ENOX2: variants seen among roughly 807,000 people sequenced by gnomAD.
ENOX2 encodes ecto-NOX disulfide-thiol exchanger 2.
A neutral mutation model predicts 45.0 loss-of-function variants in ENOX2; 36 were observed. The observed-to-expected ratio is 0.80, with a 90% CI of 0.61 to 1.06. The LOEUF is 1.06. ENOX2 is among the 50% of genes least tolerant of loss of function. The probability of loss-of-function intolerance (pLI) is 0.00; values close to 1 mark genes in which losing one functional copy is unlikely to be tolerated. For synonymous variants in ENOX2, 174 were observed against 152.3 expected (o/e 1.14, Z -1.05); for missense variants, 423 against 462.5 (o/e 0.91, Z 0.78).
At chrX:130,662,785 A>C (rs1188776474) in intron 9 of ENOX2, among the ~76,000 whole-genome samples, 2 of 112,521 alleles carry the variant, frequency 1.8e-5, no homozygotes, top group Non-Finnish European at 3.8e-5. Flanking sequence ...TACCAGAGAA[A>C]GGTTATGAGC....
intron 5 of ENOX2, among the ~76,000 whole-genome samples, chrX:130,687,885 T>C (rs191152907): frequency 2.8e-4 from 31 of 112,425 alleles, no homozygotes; most frequent in African/African-American, 1.0e-3. Context: ...CTGCCAGGGC[T>C]TGGGCCATGA....
chrX:130,863,158 T>C (rs984483050), intron 2 of ENOX2, among the ~76,000 whole-genome samples: 1 of 112,339 alleles, frequency 8.9e-6, no homozygotes, highest in Non-Finnish European at 1.9e-5. Flanking sequence ...TAATTATGCA[T>C]GTTTTCTCAT....
chrX:130,783,987 G>C (rs2076929827), intron 2 of ENOX2, among the ~76,000 whole-genome samples: 1 of 111,781 alleles, frequency 8.9e-6, no homozygotes, highest in African/African-American at 3.3e-5. Context: ...ATGTGGCTAT[G>C]GTTGGACCCA....
At chrX:130,778,790 C>T (rs957728625) in intron 3 of ENOX2, among the ~76,000 whole-genome samples, 2 of 112,119 alleles carry the variant, frequency 1.8e-5, no homozygotes, top group African/African-American at 6.5e-5. Flanking sequence ...CTACTTTTGA[C>T]GCATTTAAGG....
chrX:130,726,909 C>T (rs1328057804), intron 3 of ENOX2, among the ~76,000 whole-genome samples: 1 of 112,096 alleles, frequency 8.9e-6, no homozygotes, highest in East Asian at 2.8e-4. Flanking sequence ...CTCAAGAGGG[C>T]CCCTGGGCTG....
At chrX:130,761,314 G>A (rs2039485304) in intron 3 of ENOX2, among the ~76,000 whole-genome samples, 2 of 111,301 alleles carry the variant, frequency 1.8e-5, no homozygotes, top group Admixed American at 1.9e-4. Flanking sequence ...TTTGATTTTG[G>A]GAGATTTTAA....
chrX:130,824,173 C>T (rs2077672115), intron 2 of ENOX2, among the ~76,000 whole-genome samples: 1 of 111,070 alleles, frequency 9.0e-6, no homozygotes, highest in South Asian at 3.8e-4. Context: ...AGAAATATAC[C>T]GAATTATTTA....
intron 3 of ENOX2, among the ~76,000 whole-genome samples, chrX:130,743,473 A>ATT (rs144700742): frequency 3.1e-5 from 3 of 97,774 alleles, no homozygotes; most frequent in African/African-American, 7.4e-5. Flanking sequence ...CCTATGAGGG[A>ATT]TTTTTTTTTT....
At chrX:130,902,828 A>G (rs1603383745) in intron 1 of ENOX2, among the ~76,000 whole-genome samples, 1 of 106,302 alleles carries the variant, frequency 9.4e-6, no homozygotes, top group South Asian at 4.3e-4. Flanking sequence ...AAAAAAAAAA[A>G]AAAAAGAGCA....
chrX:130,638,768 T>G (rs1287570994), intron 10 of ENOX2, among the ~76,000 whole-genome samples: 1 of 111,493 alleles, frequency 9.0e-6, no homozygotes, highest in Non-Finnish European at 1.9e-5. Flanking sequence ...TGGGACCCAG[T>G]CCTTGGGTAG....
In ENOX2 at chrX:130,626,203, C is replaced by T. The variant is rs144517228; in HGVS notation, c.1615-758G>A. Among the ~76,000 whole-genome samples, 7 of 111,703 alleles carry T rather than the reference C, an allele frequency of 6.3e-5. No individual in the cohort carries two copies. In the East Asian group the frequency reaches 1.4e-3, roughly 22 times the overall value. On this transcript the variant is annotated intron_variant, in intron 14 of 14. Transcript: ENST00000394363. The stretch of plus-strand genomic sequence containing the variant: ...TCTTTGGGAGACCCTGGCACTACTC[C>T]GGCAGGAAGTTGCTAAGGCGGAGCT...
intron 12 of ENOX2, among the ~76,000 whole-genome samples, chrX:130,633,668 A>T (rs755036970): frequency 2.7e-5 from 3 of 112,428 alleles, no homozygotes; most frequent in Non-Finnish European, 5.6e-5. Context: ...ACACAAAAAA[A>T]TGTCCTTAGG....
chrX:130,902,074 G>A (rs963510913), intron 1 of ENOX2, among the ~76,000 whole-genome samples: 4 of 111,433 alleles, frequency 3.6e-5, no homozygotes, highest in African/African-American at 1.3e-4. Flanking sequence ...AGCCGGATGA[G>A]GGCTTCAGCA....
At chrX:130,871,945 G>A (rs1293391144) in intron 2 of ENOX2, among the ~76,000 whole-genome samples, 2 of 112,036 alleles carry the variant, frequency 1.8e-5, no homozygotes, top group African/African-American at 6.5e-5. Context: ...GTTTAATTAT[G>A]TGGAAAAAGT....
chrX:130,764,499 GT>G (rs111932904), intron 3 of ENOX2, among the ~76,000 whole-genome samples: 4,383 of 98,617 alleles, frequency 0.044, 116 homozygotes, highest in African/African-American at 0.095. Context: ...GTATAGTACA[GT>G]TTTTTTTTTT....
chrX:130,861,942 T>C (rs930780054), intron 2 of ENOX2, among the ~76,000 whole-genome samples: 1 of 111,549 alleles, frequency 9.0e-6, no homozygotes, highest in South Asian at 3.8e-4. Flanking sequence ...ATAGCTTTTT[T>C]ATGTCAATCA....
chrX:130,902,464 G>A (rs1439154384), intron 1 of ENOX2, among the ~76,000 whole-genome samples: 3 of 110,362 alleles, frequency 2.7e-5, no homozygotes, highest in Non-Finnish European at 5.7e-5. Context: ...AGACCTGGTG[G>A]GGGAAGTGGC....
chrX:130,805,842 A>G (rs926111273), intron 2 of ENOX2, among the ~76,000 whole-genome samples: 1 of 112,082 alleles, frequency 8.9e-6, no homozygotes, highest in Admixed American at 9.5e-5. Flanking sequence ...TGTGATGGCA[A>G]TGATTGTTCC....
intron 2 of ENOX2, among the ~76,000 whole-genome samples, chrX:130,866,439 T>C (rs1010136003): frequency 2.7e-5 from 3 of 112,158 alleles, no homozygotes; most frequent in Non-Finnish European, 5.6e-5. Context: ...TTTAAAGCTC[T>C]CCATAATCTG....
Sources: gnomAD v4.1 joint callset for allele counts (sites outside exome capture counted in the v4.1 genomes callset) on GRCh38, gnomAD v4.1.1 for gene constraint, MANE v1.5 for transcripts, NCBI Gene and HGNC (gene_info 2026-07-23, HGNC 2026-07-21) for gene names.